TARS1: variants seen among roughly 807,000 people sequenced by gnomAD.
TARS1 encodes the protein threonyl-tRNA synthetase 1, also known as threonine--tRNA ligase 1, cytoplasmic.
TARS1 carries 57 observed loss-of-function variants against 97.7 expected under a neutral mutation model. The ratio of observed to expected loss-of-function variants is 0.58; its 90% CI spans 0.47 to 0.73. TARS1 has a LOEUF of 0.73. Ranked by LOEUF, TARS1 falls within the 30% of genes least tolerant of loss-of-function variation. TARS1 has a pLI of 0.00. For missense variants in TARS1, 806 were observed against 888.3 expected, an observed-to-expected ratio of 0.91 and a Z score of 1.18; for synonymous variants, 312 against 293.7, an observed-to-expected ratio of 1.06 and a Z score of -0.64.
Position 33,445,406 on chromosome 5 carries a change from TA to T in TARS1, c.138+6del, listed in dbSNP as rs756577210. 6.2e-7 allele frequency: 1 copy of T among 1,612,396 alleles called. No homozygotes were observed. The highest frequency in any genetic ancestry group is 8.5e-7 in the Non-Finnish European group (1 of 1,179,066). ...TCTGGAGATGGAGGTCGAGCTGAGG[TA>T]AAAGTTATCATCACAGAGGGCTCTG... On this transcript the variant is annotated splice_donor_region_variant and intron_variant, in intron 2 of 18. Transcript: ENST00000265112.
At chr5:33,462,332 T>C (rs2111586707) in intron 16 of TARS1, 129 bp downstream of exon 16, 1 of 801,656 alleles carries the variant, frequency 1.2e-6, no homozygotes. Context: ...TAACGACAAG[T>C]GTTCATTAAA....
chr5:33,452,292 C>A, intron 3 of TARS1: 2 of 1,347,380 alleles, frequency 1.5e-6, no homozygotes, highest in South Asian at 1.2e-5. Context: ...ATTTCTCTAG[C>A]TGTGCATTTA....
chr5:33,464,234 T>C (rs999788827), intron 17 of TARS1, among the ~76,000 whole-genome samples: 1 of 152,176 alleles, frequency 6.6e-6, no homozygotes, highest in Non-Finnish European at 1.5e-5. Flanking sequence ...TATATTTTAG[T>C]ATTTAGTATT....
chr5:33,453,974 C>A (rs1477668148), intron 4 of TARS1, among the ~76,000 whole-genome samples: 1 of 152,114 alleles, frequency 6.6e-6, no homozygotes, highest in African/African-American at 2.4e-5. Flanking sequence ...CCCACCTCGG[C>A]CCCCCAAAGT....
chr5:33,451,941 T>G (rs187360759), intron 3 of TARS1, among the ~76,000 whole-genome samples: 1 of 152,350 alleles, frequency 6.6e-6, no homozygotes, highest in African/African-American at 2.4e-5. Context: ...TTATGTTTTG[T>G]GAAATGCATG....
chr5:33,446,675 T>C, intron 2 of TARS1: 1 of 1,289,320 alleles, frequency 7.8e-7, no homozygotes, highest in Non-Finnish European at 1.0e-6. Context: ...GCTGAATGAA[T>C]GTTGAAGAGA....
At chr5:33,454,428 T>C (rs1325022656) in intron 4 of TARS1, among the ~76,000 whole-genome samples, 1 of 152,234 alleles carries the variant, frequency 6.6e-6, no homozygotes, top group East Asian at 1.9e-4. Context: ...TGCCATTTGA[T>C]TTCAGTGTAC....
intron 3 of TARS1, 120 bp from the exon 4 acceptor site, chr5:33,453,167 TAG>T (rs1741828431): frequency 8.4e-7 from 1 of 1,185,096 alleles, no homozygotes; most frequent in Non-Finnish European, 1.1e-6. Flanking sequence ...TTCAGAAAAA[TAG>T]AGATACATCA....
intron 1 of TARS1, among the ~76,000 whole-genome samples, chr5:33,443,823 G>A (rs1741274047): frequency 6.6e-6 from 1 of 152,058 alleles, no homozygotes; most frequent in Non-Finnish European, 1.5e-5. Context: ...CAGTATACTT[G>A]ATCAGTTACA....
intron 1 of TARS1, 45 bp from the exon 2 acceptor site, chr5:33,445,279 G>A: frequency 2.8e-6 from 4 of 1,436,420 alleles, no homozygotes; most frequent in African/African-American, 1.4e-5. Context: ...ACAGGATGGA[G>A]GTGTCACATT....
intron 3 of TARS1, among the ~76,000 whole-genome samples, chr5:33,452,031 T>C (rs1321676134): frequency 2.0e-5 from 3 of 152,220 alleles, no homozygotes; most frequent in Non-Finnish European, 1.5e-5. Context: ...AGTAGGAGCA[T>C]TGAAAATAGA....
At chr5:33,441,297 A>T (rs55759090) in intron 1 of TARS1, 154 bp downstream of exon 1, 2 of 805,442 alleles carry the variant, frequency 2.5e-6, no homozygotes, top group Admixed American at 2.4e-5. Flanking sequence ...GAAAGTCGGA[A>T]CCCCCTTTGG....
At chr5:33,465,971 T>G (rs1318707874) in intron 17 of TARS1, 1 of 152,230 alleles carries the variant, frequency 6.6e-6, no homozygotes, top group Non-Finnish European at 1.5e-5. Flanking sequence ...AAAAATTCAT[T>G]CTGCTTTCTG....
In TARS1 at chr5:33,446,665, G is replaced by T. The variant is rs181143741; in HGVS notation, c.138+1261G>T. ...ACAGAGACTGACACAGAGGGTATCT[G>T]CTGAATGAATGTTGAAGAGATTTTG... On this transcript the variant is annotated intron_variant, in intron 2 of 18. Transcript: ENST00000265112. 1.6e-5 allele frequency: 20 copies of T among 1,289,192 alleles called. No homozygotes were observed. In the East Asian group the frequency reaches 1.1e-3, roughly 68 times the overall value. 79.9% of individuals were successfully genotyped at this position (1,289,192 alleles called of 1,614,324 possible). A position where few individuals can be genotyped will look rare whatever the true frequency, so the allele number is the denominator to read the frequency against.
chr5:33,446,536 T>G (rs1228374568), intron 2 of TARS1: 2 of 477,840 alleles, frequency 4.2e-6, no homozygotes, highest in African/African-American at 2.0e-5. Flanking sequence ...TGTGATTATT[T>G]ATGTTTAACG....
chr5:33,462,491 GT>G (rs1742342888), intron 16 of TARS1, among the ~76,000 whole-genome samples: 1 of 152,146 alleles, frequency 6.6e-6, no homozygotes, highest in Non-Finnish European at 1.5e-5. Context: ...TATACTTACT[GT>G]TTTGGATGCT....
At position 33,463,829 on chromosome 5, in the gene TARS1, A is replaced by ATTAC. The variant is rs777013202; in HGVS notation, c.1908+4_1908+5insTTAC. On this transcript the variant is annotated splice_donor_region_variant and intron_variant, in intron 17 of 18. Transcript: ENST00000265112. Reference sequence around the variant, plus strand: ...CTGTGATGAATATGCCCAAAAGGTAAGCCTTAGATATGAATTTTCTTTCAA... The same window carrying ATTAC: ...CTGTGATGAATATGCCCAAAAGGTAATTACGCCTTAGATATGAATTTTCTTTCAA... 45 of 1,607,118 alleles carry ATTAC rather than the reference A, an allele frequency of 2.8e-5. No homozygotes were observed. Among genetic ancestry groups the ATTAC allele is most frequent in the Non-Finnish European group, 3.7e-5 (44 of 1,175,602 alleles).
At chr5:33,464,964 G>A (rs1742463212) in intron 17 of TARS1, among the ~76,000 whole-genome samples, 1 of 152,070 alleles carries the variant, frequency 6.6e-6, no homozygotes, top group Admixed American at 6.5e-5. Context: ...TACTCAGGAG[G>A]CTGAGGCAGG....
intron 4 of TARS1, 140 bp from the exon 5 acceptor site, chr5:33,454,805 T>G: frequency 9.4e-7 from 1 of 1,063,602 alleles, no homozygotes; most frequent in African/African-American, 1.6e-5. Flanking sequence ...AAACAGTAGT[T>G]TATAGATTTA....
Sources: gnomAD v4.1 joint callset for allele counts (sites outside exome capture counted in the v4.1 genomes callset) on GRCh38, gnomAD v4.1.1 for gene constraint, MANE v1.5 for transcripts, NCBI Gene and HGNC (gene_info 2026-07-23, HGNC 2026-07-21) for gene names.